METTL15: variants seen among roughly 807,000 people sequenced by gnomAD.
METTL15 encodes the protein methyltransferase 15, mitochondrial 12S rRNA N4-cytidine, also known as 12S rRNA N(4)-cytidine methyltransferase METTL15.
Under a neutral mutation model 38.3 loss-of-function variants are expected in METTL15, and 34 were observed. The ratio of observed to expected loss-of-function variants is 0.89; its 90% CI spans 0.68 to 1.18. METTL15 has a LOEUF of 1.18. Among genes scored for constraint, METTL15 ranks in the 50% most tolerant of loss-of-function variants. The pLI is 0.00. For synonymous variants in METTL15, 162 were observed against 170.9 expected (o/e 0.95, Z 0.41); for missense variants, 438 against 498.4 (o/e 0.88, Z 1.15).
chr11:28,188,024 A>G (rs1377577017), intron 3 of METTL15, among the ~76,000 whole-genome samples: 1 of 151,330 alleles, frequency 6.6e-6, no homozygotes, highest in Non-Finnish European at 1.5e-5. Context: ...GTACTCTTAG[A>G]GGTTTCCCTC....
intron 5 of METTL15, among the ~76,000 whole-genome samples, chr11:28,408,726 G>A (rs533841418): frequency 7.8e-4 from 119 of 152,176 alleles, no homozygotes; most frequent in African/African-American, 2.7e-3. Context: ...TATTGAGAGC[G>A]TCATTTCAAT....
At chr11:28,262,465 A>G (rs1855247121) in intron 4 of METTL15, among the ~76,000 whole-genome samples, 1 of 151,744 alleles carries the variant, frequency 6.6e-6, no homozygotes, top group African/African-American at 2.4e-5. Context: ...AGTCTTATAT[A>G]TATGTGTATG....
chr11:28,181,846 A>G (rs1389348788), intron 3 of METTL15, among the ~76,000 whole-genome samples: 2 of 152,126 alleles, frequency 1.3e-5, no homozygotes, highest in African/African-American at 2.4e-5. Context: ...GTCTTCCACA[A>G]TGGTTGAACT....
rs191025942 is a variant in METTL15, at chr11:28,226,627, A to G, written c.407+15429A>G. Among the ~76,000 whole-genome samples the G allele has an allele frequency of 1.2e-4, 18 of 152,076 alleles. No individual in the cohort carries two copies. The East Asian group carries it at 1.9e-3, about 16-fold the overall frequency. Reference sequence around the variant, plus strand: ...CAGAGCAATGGCAAGTCTCGAACTCATAGCGTCAGGTTTGCTGCTTGTATT... The same window carrying G: ...CAGAGCAATGGCAAGTCTCGAACTCGTAGCGTCAGGTTTGCTGCTTGTATT... On this transcript the variant is annotated intron_variant, in intron 4 of 6. Coordinates refer to ENST00000407364, the MANE Select transcript of METTL15 (RefSeq NM_001113528.2).
intron 4 of METTL15, among the ~76,000 whole-genome samples, chr11:28,241,953 CAG>C (rs1473395542): frequency 6.6e-6 from 1 of 152,144 alleles, no homozygotes; most frequent in Non-Finnish European, 1.5e-5. Context: ...GAAATCATTG[CAG>C]AGTTTTCAGT....
At chr11:28,116,072 T>A (rs1190604566) in intron 3 of METTL15, among the ~76,000 whole-genome samples, 1 of 151,936 alleles carries the variant, frequency 6.6e-6, no homozygotes, top group Non-Finnish European at 1.5e-5. Flanking sequence ...TTACATAAGA[T>A]CTTTCATTAT....
intron 5 of METTL15, among the ~76,000 whole-genome samples, chr11:28,385,914 A>T (rs1486513494): frequency 6.6e-6 from 1 of 152,156 alleles, no homozygotes; most frequent in Non-Finnish European, 1.5e-5. Flanking sequence ...TTAAAAGATA[A>T]AAGCATAACA....
intron 4 of METTL15, among the ~76,000 whole-genome samples, chr11:28,222,957 A>G (rs541051358): frequency 3.2e-4 from 49 of 152,300 alleles, no homozygotes; most frequent in African/African-American, 1.2e-3. Flanking sequence ...GCTCCAATTC[A>G]GTAGCAATAA....
At chr11:28,233,956 C>G (rs187298731) in intron 4 of METTL15, among the ~76,000 whole-genome samples, 5 of 138,740 alleles carry the variant, frequency 3.6e-5, no homozygotes, top group Non-Finnish European at 6.2e-5. Flanking sequence ...CCTCCCCCCT[C>G]CCCCTACCCC....
chr11:28,396,705 A>G (rs1361205875), intron 5 of METTL15, among the ~76,000 whole-genome samples: 6 of 152,200 alleles, frequency 3.9e-5, no homozygotes, highest in African/African-American at 1.4e-4. Context: ...CCATCAAGCT[A>G]CCAATGACTT....
At chr11:28,431,860 G>T (rs1320138189) in intron 6 of METTL15, among the ~76,000 whole-genome samples, 4 of 145,476 alleles carry the variant, frequency 2.7e-5, no homozygotes, top group African/African-American at 1.0e-4. Context: ...GAAAGATAAT[G>T]CTTTTGTTTG....
intron 5 of METTL15, among the ~76,000 whole-genome samples, chr11:28,401,199 C>G (rs1379674388): frequency 6.6e-6 from 1 of 151,832 alleles, no homozygotes; most frequent in Non-Finnish European, 1.5e-5. Context: ...AATAAAATGC[C>G]TAAGTTAGGG....
At chr11:28,168,860 A>G (rs1027878885) in intron 3 of METTL15, among the ~76,000 whole-genome samples, 1 of 152,106 alleles carries the variant, frequency 6.6e-6, no homozygotes, top group African/African-American at 2.4e-5. Flanking sequence ...AAATGCTGAC[A>G]CTGAAAACAG....
intron 3 of METTL15, among the ~76,000 whole-genome samples, chr11:28,119,354 G>C (rs1034377566): frequency 1.3e-5 from 2 of 152,198 alleles, no homozygotes; most frequent in Non-Finnish European, 2.9e-5. Flanking sequence ...ATGAATAAAA[G>C]TCAAAGTAAA....
intron 3 of METTL15, among the ~76,000 whole-genome samples, chr11:28,343,573 A>C (rs1233679299): frequency 6.6e-6 from 1 of 152,206 alleles, no homozygotes; most frequent in African/African-American, 2.4e-5. Flanking sequence ...CTTTCTTCAG[A>C]TCAGTTAAAT....
intron 3 of METTL15, among the ~76,000 whole-genome samples, chr11:28,133,969 T>G (rs1849426359): frequency 6.6e-6 from 1 of 152,220 alleles, no homozygotes; most frequent in African/African-American, 2.4e-5. Flanking sequence ...TGTTGACTGC[T>G]CTAAAGGAAA....
downstream of METTL15, among the ~76,000 whole-genome samples, chr11:28,335,832 T>G (rs923103477): frequency 2.0e-5 from 3 of 152,148 alleles, no homozygotes; most frequent in African/African-American, 7.2e-5. Flanking sequence ...GTGCCATGCT[T>G]CTTGTATGGC....
intron 5 of METTL15, among the ~76,000 whole-genome samples, chr11:28,387,191 G>A (rs906080829): frequency 2.3e-4 from 35 of 151,688 alleles, no homozygotes; most frequent in African/African-American, 8.5e-4. Flanking sequence ...CAGAAGAAAT[G>A]AGCTAATAAA....
intron 4 of METTL15, among the ~76,000 whole-genome samples, chr11:28,222,406 G>A (rs566393443): frequency 1.1e-4 from 17 of 152,294 alleles, no homozygotes; most frequent in African/African-American, 1.4e-4. Context: ...TCAGAAAAGC[G>A]CAGTATTAGG....
Sources: gnomAD v4.1 joint callset for allele counts (sites outside exome capture counted in the v4.1 genomes callset) on GRCh38, gnomAD v4.1.1 for gene constraint, MANE v1.5 for transcripts, NCBI Gene and HGNC (gene_info 2026-07-23, HGNC 2026-07-21) for gene names.